Variants in SOX5 observed in about 807,000 individuals in gnomAD.
The protein encoded by SOX5 is SRY-box transcription factor 5.
In SOX5, 9 loss-of-function variants were observed where a neutral mutation model predicts 92.0. The observed-to-expected ratio is 0.10, with a 90% CI of 0.06 to 0.17. SOX5 has a LOEUF of 0.17. SOX5 is among the 10% of genes least tolerant of loss of function. The pLI, the probability that SOX5 is intolerant of heterozygous loss-of-function variation, is 1.00. For synonymous variants in SOX5, 344 were observed against 336.3 expected (o/e 1.02, Z -0.25); for missense variants, 642 against 944.5 (o/e 0.68, Z 4.20).
At chr12:24,509,660 G>C (rs1412293085) in intron 1 of SOX5, among the ~76,000 whole-genome samples, 1 of 152,236 alleles carries the variant, frequency 6.6e-6, no homozygotes, top group Non-Finnish European at 1.5e-5. Context: ...TGGGAAATTA[G>C]ATGGATGTGT....
chr12:24,420,924 T>C lies in SOX5; in HGVS notation c.-250-52285A>G, dbSNP rs556433990. Among the ~76,000 whole-genome samples, 8 of 152,298 alleles carry C rather than the reference T, an allele frequency of 5.3e-5. 1 individual carries two copies. The highest frequency in any genetic ancestry group is 1.9e-4 in the African/African-American group (8 of 41,568). On this transcript the variant is annotated intron_variant, in intron 1 of 4. Coordinates refer to the SOX5 transcript ENST00000446891. ...AACATGCTAAACCACACCATGAGTA[T>C]GCCACCAACAAAATCCATACTGTGG...
At chr12:23,540,670 C>T (rs892857698) in intron 13 of SOX5, among the ~76,000 whole-genome samples, 2 of 152,088 alleles carry the variant, frequency 1.3e-5, no homozygotes, top group African/African-American at 4.8e-5. Context: ...CCTGATCTAG[C>T]GCCAAGCAGT....
chr12:23,897,481 T>A (rs2097189138), intron 1 of SOX5, among the ~76,000 whole-genome samples: 1 of 152,172 alleles, frequency 6.6e-6, no homozygotes, highest in African/African-American at 2.4e-5. Context: ...GAAAAATATC[T>A]ACCTCATAAG....
At chr12:23,709,409 G>T (rs1179825014) in intron 6 of SOX5, among the ~76,000 whole-genome samples, 1 of 152,052 alleles carries the variant, frequency 6.6e-6, no homozygotes, top group Non-Finnish European at 1.5e-5. Context: ...CCAGACAAGG[G>T]CTCCTTTAGA....
intron 1 of SOX5, among the ~76,000 whole-genome samples, chr12:24,542,110 G>A (rs1952184600): frequency 6.6e-6 from 1 of 152,020 alleles, no homozygotes; most frequent in Non-Finnish European, 1.5e-5. Flanking sequence ...GGCTTAAGAG[G>A]ACCTACAAGA....
At chr12:23,971,843 G>A (rs1193193912) in intron 4 of SOX5, among the ~76,000 whole-genome samples, 1 of 152,068 alleles carries the variant, frequency 6.6e-6, no homozygotes, top group Non-Finnish European at 1.5e-5. Flanking sequence ...TAAACATTGT[G>A]CATGTACTTT....
At chr12:23,923,535 C>G (rs1177147147) in intron 1 of SOX5, among the ~76,000 whole-genome samples, 6 of 152,098 alleles carry the variant, frequency 3.9e-5, no homozygotes, top group Non-Finnish European at 5.9e-5. Flanking sequence ...CATGAGGATG[C>G]TGCAGGCAAC....
rs1442442141 is a variant in SOX5, at chr12:23,529,778, T to C, written c.*4441A>G. On this transcript the variant is annotated 3_prime_UTR_variant, in exon 15 of 15. Coordinates refer to ENST00000451604, the MANE Select transcript of SOX5 (RefSeq NM_006940.6). ...TCTATAACTCTATGTTATATTTACA[T>C]AATTACTTATTATTTTATTAAATTT... 2 of 152,202 alleles carry C rather than the reference T, an allele frequency of 1.3e-5. No homozygotes were observed. Among genetic ancestry groups the C allele is most frequent in the Admixed American group, 1.3e-4 (2 of 15,278 alleles). The allele number at this position is 152,202 out of a possible 1,614,324, so 9.4% of individuals were successfully genotyped here. A position where few individuals can be genotyped will look rare whatever the true frequency, so the allele number is the denominator to read the frequency against.
At chr12:23,757,183 T>C (rs2094415519) in intron 3 of SOX5, among the ~76,000 whole-genome samples, 2 of 152,008 alleles carry the variant, frequency 1.3e-5, no homozygotes, top group Admixed American at 6.6e-5. Flanking sequence ...ACTTCATAAA[T>C]GCACATTTAC....
Position 23,841,456 on chromosome 12 carries a change from T to A in SOX5, c.481+4527A>T, listed in dbSNP as rs998849527. On this transcript the variant is annotated intron_variant, in intron 3 of 14. Transcript: ENST00000451604. Reference sequence around the variant, plus strand: ...AAATTCCAGCATTCACATTCCCCAATTGGGTTGAAATCTTATGTCCACATA... The same window carrying A: ...AAATTCCAGCATTCACATTCCCCAAATGGGTTGAAATCTTATGTCCACATA... Among the ~76,000 whole-genome samples, 5 of 152,172 alleles carry A rather than the reference T, an allele frequency of 3.3e-5. No individual in the cohort carries two copies. In the South Asian group the frequency reaches 1.0e-3, roughly 31 times the overall value.
chr12:24,175,619 TTGTA>T (rs1255412510), intron 4 of SOX5, among the ~76,000 whole-genome samples: 1 of 152,218 alleles, frequency 6.6e-6, no homozygotes, highest in African/African-American at 2.4e-5. Context: ...TATATTTTAT[TTGTA>T]TGTGTGTGTA....
intron 4 of SOX5, among the ~76,000 whole-genome samples, chr12:24,184,025 A>T (rs1465253279): frequency 6.6e-6 from 1 of 152,126 alleles, no homozygotes; most frequent in Non-Finnish European, 1.5e-5. Context: ...TGCTATCTGT[A>T]TTTCTTTTGT....
At chr12:23,865,120 A>C (rs1224585597) in intron 2 of SOX5, among the ~76,000 whole-genome samples, 1 of 152,186 alleles carries the variant, frequency 6.6e-6, no homozygotes, top group African/African-American at 2.4e-5. Flanking sequence ...TTTGTCTATA[A>C]ATGGAACAAT....
At chr12:24,173,155 G>C (rs540999862) in intron 4 of SOX5, among the ~76,000 whole-genome samples, 1 of 152,194 alleles carries the variant, frequency 6.6e-6, no homozygotes, top group Non-Finnish European at 1.5e-5. Context: ...CCATCGCATC[G>C]TCCCACCCTC....
At chr12:24,222,472 G>A (rs1960709238) in intron 3 of SOX5, among the ~76,000 whole-genome samples, 1 of 152,096 alleles carries the variant, frequency 6.6e-6, no homozygotes, top group Non-Finnish European at 1.5e-5. Context: ...TGCTTAAAAC[G>A]AGCAAATAGA....
intron 2 of SOX5, among the ~76,000 whole-genome samples, chr12:24,294,610 G>A (rs140166873): frequency 1.7e-3 from 264 of 152,016 alleles, no homozygotes; most frequent in Middle Eastern, 3.4e-3. Flanking sequence ...AATGCACAGC[G>A]TCCAGCAGGT....
chr12:23,722,992 C>T (rs531536481), intron 6 of SOX5, among the ~76,000 whole-genome samples: 26 of 152,250 alleles, frequency 1.7e-4, no homozygotes, highest in African/African-American at 6.0e-4. Context: ...AAAGAAAACA[C>T]ATCCTAAATA....
At chr12:23,752,597 G>A (rs1293925207) in intron 4 of SOX5, among the ~76,000 whole-genome samples, 1 of 151,796 alleles carries the variant, frequency 6.6e-6, no homozygotes, top group African/African-American at 2.4e-5. Context: ...GAAATTGTGT[G>A]TGACTATTGG....
chr12:24,435,175 T>C (rs1939166494), intron 1 of SOX5, among the ~76,000 whole-genome samples: 1 of 152,214 alleles, frequency 6.6e-6, no homozygotes, highest in Admixed American at 6.5e-5. Context: ...GAGTTTTCTC[T>C]GGAGATACTA....
Sources: allele counts gnomAD v4.1 joint callset (sites outside exome capture counted in the v4.1 genomes callset), GRCh38; gene constraint gnomAD v4.1.1; transcripts MANE v1.5; gene names NCBI Gene and HGNC (gene_info 2026-07-23, HGNC 2026-07-21).